The following GATAD2A variants were observed in gnomAD, a reference collection of about 807,000 sequenced individuals.
The protein encoded by GATAD2A is GATA zinc finger domain containing 2A.
Under a neutral mutation model 68.5 loss-of-function variants are expected in GATAD2A, and 12 were observed. That is an observed-to-expected ratio of 0.18 (90% CI 0.11 to 0.28). GATAD2A has a LOEUF of 0.28. Ranked by LOEUF, GATAD2A falls within the 10% of genes least tolerant of loss-of-function variation. GATAD2A has a pLI of 1.00. For synonymous variants in GATAD2A, 410 were observed against 375.3 expected, an observed-to-expected ratio of 1.09 and a Z score of -1.07; for missense variants, 755 against 868.5, an observed-to-expected ratio of 0.87 and a Z score of 1.64.
chr19:19,495,385 T>C (rs2060073383), intron 5 of GATAD2A, among the ~76,000 whole-genome samples: 1 of 152,164 alleles, frequency 6.6e-6, no homozygotes, highest in African/African-American at 2.4e-5. Flanking sequence ...CTTGGGTCAC[T>C]GCAACCTCCG....
At chr19:19,468,041 G>A (rs1008929692) in intron 2 of GATAD2A, among the ~76,000 whole-genome samples, 68 of 152,234 alleles carry the variant, frequency 4.5e-4, no homozygotes, top group African/African-American at 1.5e-3. Context: ...TGGCAGAATT[G>A]ACAAAAGCAA....
chr19:19,491,983 C>T (rs1429954588), intron 2 of GATAD2A, among the ~76,000 whole-genome samples: 2 of 152,194 alleles, frequency 1.3e-5, no homozygotes, highest in African/African-American at 4.8e-5. Flanking sequence ...CCGAGGCACA[C>T]GGTAGAGGGA....
intron 5 of GATAD2A, 106 bp from the exon 6 acceptor site, chr19:19,495,648 A>AAAC: frequency 5.7e-6 from 6 of 1,047,598 alleles, no homozygotes; most frequent in African/African-American, 3.3e-5. Flanking sequence ...AAAAAAAAAA[A>AAAC]AAAAAAACTA....
intron 1 of GATAD2A, among the ~76,000 whole-genome samples, chr19:19,423,478 C>A (rs753106337): frequency 2.0e-5 from 3 of 152,238 alleles, no homozygotes; most frequent in Non-Finnish European, 2.9e-5. Flanking sequence ...GGACTAAGAA[C>A]CAGCTTGTTG....
Position 19,498,439 on chromosome 19 carries a change from A to G in GATAD2A, c.925-4A>G. On this transcript the variant is annotated splice_polypyrimidine_tract_variant and splice_region_variant and intron_variant, in intron 7 of 11. Coordinates refer to ENST00000683918, the MANE Select transcript of GATAD2A (RefSeq NM_001384528.1). ...CGCCCTGACTGAGTTTTTGTCTCCC[A>G]AAGCCCACCCCAGCATCACTGAAGG... 2.5e-6 allele frequency: 4 copies of G among 1,598,542 alleles called. No individual in the cohort carries two copies. Among genetic ancestry groups the G allele is most frequent in the Non-Finnish European group, 2.6e-6 (3 of 1,167,570 alleles).
upstream of GATAD2A, among the ~76,000 whole-genome samples, chr19:19,405,265 C>T (rs546169195): frequency 5.3e-5 from 8 of 152,322 alleles, no homozygotes; most frequent in South Asian, 1.7e-3. Flanking sequence ...GCCGAAGTTC[C>T]CAGAGAAGAG....
chr19:19,390,089 A>G (rs1372600862), intron 1 of GATAD2A, among the ~76,000 whole-genome samples: 1 of 152,200 alleles, frequency 6.6e-6, no homozygotes. Context: ...AACCTATAGG[A>G]CCAGCAGATG....
chr19:19,508,108 A>G lies in GATAD2A; in HGVS notation c.*2634A>G, dbSNP rs1398984964. 6.6e-6 allele frequency: 1 copy of G among 152,234 alleles called. No homozygotes were observed. Among genetic ancestry groups the G allele is most frequent in the Non-Finnish European group, 1.5e-5 (1 of 68,058 alleles). The allele number at this position is 152,234 out of a possible 1,614,324, so 9.4% of individuals were successfully genotyped here. ...AAGCCGTCAGAATGTGGGAGCCCCC[A>G]GCCCAACTGATTGTAACTGTCCCCT... is the stretch of plus-strand genomic sequence containing the variant. On this transcript the variant is annotated 3_prime_UTR_variant, in exon 12 of 12. Transcript: ENST00000683918.
intron 10 of GATAD2A, 133 bp downstream of exon 10, chr19:19,502,176 C>T (rs1185250255): frequency 2.3e-6 from 2 of 874,910 alleles, no homozygotes; most frequent in South Asian, 1.6e-5. Flanking sequence ...CTCCCCCACC[C>T]CTCTGTGTAA....
chr19:19,414,530 C>CTTTTTTT (rs758728889), intron 1 of GATAD2A, among the ~76,000 whole-genome samples: 42 of 70,214 alleles, frequency 6.0e-4, no homozygotes, highest in African/African-American at 9.0e-4. Context: ...AGGGCCTTGT[C>CTTTTTTT]TTTTTTTTTT....
chr19:19,504,407 T>A (rs2060745384), intron 11 of GATAD2A, among the ~76,000 whole-genome samples: 1 of 152,212 alleles, frequency 6.6e-6, no homozygotes, highest in African/African-American at 2.4e-5. Flanking sequence ...TTTTCCCCAG[T>A]GTCTCCCCTT....
chr19:19,436,216 C>G, intron 1 of GATAD2A: 7 of 1,358,706 alleles, frequency 5.2e-6, no homozygotes, highest in Non-Finnish European at 5.9e-6. Flanking sequence ...TACCCCGAAG[C>G]CAGGTGAGTG....
upstream of GATAD2A, among the ~76,000 whole-genome samples, chr19:19,404,713 G>T (rs921142758): frequency 2.0e-5 from 3 of 152,108 alleles, no homozygotes; most frequent in Non-Finnish European, 4.4e-5. Context: ...ACAGTACGTT[G>T]CATGTGGTAA....
chr19:19,389,477 A>C (rs1458335397), intron 1 of GATAD2A, among the ~76,000 whole-genome samples: 3 of 152,106 alleles, frequency 2.0e-5, no homozygotes, highest in Non-Finnish European at 2.9e-5. Context: ...CGAGGCTATA[A>C]TTTGAGTTCT....
intron 1 of GATAD2A, among the ~76,000 whole-genome samples, chr19:19,409,759 C>T (rs904514574): frequency 1.3e-5 from 2 of 152,170 alleles, no homozygotes; most frequent in African/African-American, 4.8e-5. Context: ...AAAGGTACCA[C>T]TGGGGACAGA....
At chr19:19,480,421 G>T (rs2058975013) in intron 2 of GATAD2A, among the ~76,000 whole-genome samples, 2 of 152,184 alleles carry the variant, frequency 1.3e-5, no homozygotes, top group Admixed American at 6.5e-5. Context: ...TCTGATTTTT[G>T]ATTAATGGAA....
rs776417146 is a variant in GATAD2A at position 19,501,218 on chromosome 19, C to T, written c.1305C>T (p.Gly435=). 44 of 1,613,336 alleles carry T rather than the reference C, an allele frequency of 2.7e-5. No individual in the cohort carries two copies. In the Middle Eastern group the frequency reaches 6.6e-4, roughly 24 times the overall value. Residue 435 remains glycine (G), a synonymous_variant, in exon 9 of 12, where the codon GGC becomes GGT. Transcript: ENST00000683918. ...FTCRWREEKS[G]AIMCENCMTT... ...GCCGCTGGCGGGAGGAGAAGAGCGG[C>T]GCCATCATGTGTGAGAACTGCATGA...
chr19:19,501,562 T>C (rs2060523977), intron 9 of GATAD2A, 146 bp downstream of exon 9: 1 of 673,990 alleles, frequency 1.5e-6, no homozygotes, highest in Non-Finnish European at 2.5e-6. Context: ...AAAACACTAA[T>C]TTGCAGTTTC....
At chr19:19,422,902 A>G (rs185002734) in intron 1 of GATAD2A, among the ~76,000 whole-genome samples, 1 of 151,990 alleles carries the variant, frequency 6.6e-6, no homozygotes, top group Non-Finnish European at 1.5e-5. Context: ...TAGTAGAGAC[A>G]GGGTTTCACC....
Sources: gnomAD v4.1 joint callset for allele counts (sites outside exome capture counted in the v4.1 genomes callset) on GRCh38, gnomAD v4.1.1 for gene constraint, MANE v1.5 for transcripts, NCBI Gene and HGNC (gene_info 2026-07-23, HGNC 2026-07-21) for gene names.